GYS2: variants seen among roughly 807,000 people sequenced by gnomAD.
GYS2 encodes the protein glycogen synthase 2, also known as glycogen [starch] synthase, liver.
GYS2 carries 80 observed loss-of-function variants against 85.6 expected under a neutral mutation model. That is an observed-to-expected ratio of 0.93 (90% CI 0.78 to 1.13). The LOEUF (loss-of-function observed/expected upper bound fraction) is 1.13, where lower values mean the gene tolerates loss of function less well. GYS2 is among the 50% of genes most tolerant of loss of function. The pLI, the probability that GYS2 is intolerant of heterozygous loss-of-function variation, is 0.00. For synonymous variants in GYS2, 328 were observed against 300.7 expected (o/e 1.09, Z -0.94); for missense variants, 881 against 854.9 (o/e 1.03, Z -0.38).
intron 2 of GYS2, 84 bp downstream of exon 2, chr12:21,580,258 C>T: frequency 8.2e-7 from 1 of 1,217,450 alleles, no homozygotes; most frequent in Non-Finnish European, 1.2e-6. Flanking sequence ...AGTGAATGGT[C>T]TTCTCTTGTG....
intron 1 of GYS2, among the ~76,000 whole-genome samples, chr12:21,586,402 C>A (rs892914807): frequency 1.3e-5 from 2 of 148,698 alleles, no homozygotes; most frequent in African/African-American, 5.0e-5. Flanking sequence ...AATAAACTCC[C>A]TTTTATATCT....
At chr12:21,571,088 T>C (rs1330852167) in intron 4 of GYS2, among the ~76,000 whole-genome samples, 1 of 152,174 alleles carries the variant, frequency 6.6e-6, no homozygotes, top group Non-Finnish European at 1.5e-5. Flanking sequence ...GATGGGAAGA[T>C]AGATTTTCTA....
rs77958362 is a variant in GYS2, at chr12:21,556,408, C to A, written c.1422+1792G>T. On this transcript the variant is annotated intron_variant, in intron 11 of 15. Transcript: ENST00000261195. ...CTGGTCTTGAACTCCTGGCCTCAAG[C>A]GATCCACCTACCGCAACCTCCCAAA... Among the ~76,000 whole-genome samples the A allele has an allele frequency of 9.5e-3, 1,450 of 152,164 alleles. 40 individuals are homozygous for A. Among genetic ancestry groups the A allele is most frequent in the African/African-American group, 0.033 (1,381 of 41,528 alleles).
chr12:21,575,573 T>TTA (rs957780889), intron 3 of GYS2, among the ~76,000 whole-genome samples: 20 of 151,686 alleles, frequency 1.3e-4, no homozygotes, highest in South Asian at 4.2e-4. Flanking sequence ...CATGTTTTTC[T>TTA]TATATATATA....
intron 1 of GYS2, among the ~76,000 whole-genome samples, chr12:21,584,489 T>A (rs546540771): frequency 8.5e-5 from 13 of 152,244 alleles, no homozygotes; most frequent in African/African-American, 2.9e-4. Flanking sequence ...CATCGTCCAA[T>A]GGACCCATGA....
chr12:21,564,917 A>C (rs1468428761), intron 5 of GYS2, among the ~76,000 whole-genome samples: 1 of 152,168 alleles, frequency 6.6e-6, no homozygotes, highest in Non-Finnish European at 1.5e-5. Flanking sequence ...CTGGATTTAG[A>C]ACCAAAGCAG....
chr12:21,570,752 C>A (rs1283299566), intron 4 of GYS2, among the ~76,000 whole-genome samples: 2 of 152,172 alleles, frequency 1.3e-5, no homozygotes, highest in African/African-American at 4.8e-5. Context: ...AGGGCCAGAT[C>A]ACTGAAATCC....
chr12:21,559,207 G>A, intron 9 of GYS2, 38 bp from the exon 10 acceptor site: 4 of 1,134,360 alleles, frequency 3.5e-6, no homozygotes, highest in Non-Finnish European at 5.4e-6. Flanking sequence ...AATAAAAACA[G>A]CTGGCACTAA....
In GYS2 at chr12:21,553,770, C is replaced by G. The variant is rs117994882; in HGVS notation, c.1422+4430G>C. Among the ~76,000 whole-genome samples, 540 of 145,482 alleles carry G rather than the reference C, an allele frequency of 3.7e-3. 1 individual carries two copies. The highest frequency in any genetic ancestry group is 5.4e-3 in the Non-Finnish European group (359 of 66,892). On this transcript the variant is annotated intron_variant, in intron 11 of 15. Transcript: ENST00000261195. ...CACTAATATATTTAAAATAAGTTAA[C>G]AGTAAACCAATTTATACACACATAT...
At position 21,564,947 on chromosome 12, in the gene GYS2, C is replaced by T. The variant is rs139534226; in HGVS notation, c.824-1602G>A. On this transcript the variant is annotated intron_variant, in intron 5 of 15. Coordinates refer to ENST00000261195, the MANE Select transcript of GYS2 (RefSeq NM_021957.4). ...AAGCAGCCTGGCTCAGGAGTTTCCA[C>T]CCTTTTGATGCAGTGGTGTCATACA... 3.7e-3 allele frequency among the ~76,000 whole-genome samples: 567 copies of T among 152,208 alleles called. 4 individuals are homozygous for T. Among genetic ancestry groups the T allele is most frequent in the African/African-American group, 0.013 (548 of 41,536 alleles).
intron 1 of GYS2, among the ~76,000 whole-genome samples, chr12:21,600,164 G>T (rs1944739602): frequency 6.6e-6 from 1 of 152,068 alleles, no homozygotes; most frequent in South Asian, 2.1e-4. Flanking sequence ...CTGTCACCCC[G>T]GCTGGAGTGC....
At chr12:21,540,696 G>C in intron 13 of GYS2, 123 bp from the exon 14 acceptor site, 1 of 800,892 alleles carries the variant, frequency 1.2e-6, no homozygotes, top group Non-Finnish European at 2.1e-6. Flanking sequence ...CCCTGACTCA[G>C]GAATTACCCC....
intron 1 of GYS2, among the ~76,000 whole-genome samples, chr12:21,582,015 A>G (rs1357646309): frequency 2.0e-5 from 3 of 152,212 alleles, no homozygotes; most frequent in African/African-American, 7.2e-5. Flanking sequence ...TAATTAAACT[A>G]AAATGCTTCT....
chr12:21,571,536 A>T (rs1430790198), intron 4 of GYS2, among the ~76,000 whole-genome samples: 1 of 152,216 alleles, frequency 6.6e-6, no homozygotes, highest in Non-Finnish European at 1.5e-5. Context: ...CTGTAATTGA[A>T]GTTGACTAGC....
intron 14 of GYS2, among the ~76,000 whole-genome samples, chr12:21,539,977 A>G (rs1350633973): frequency 3.3e-5 from 5 of 152,248 alleles, no homozygotes; most frequent in African/African-American, 1.2e-4. Flanking sequence ...TGCATGATTG[A>G]AAGGAGGTAT....
At chr12:21,584,713 G>C (rs1944553703) in intron 1 of GYS2, among the ~76,000 whole-genome samples, 1 of 152,208 alleles carries the variant, frequency 6.6e-6, no homozygotes, top group South Asian at 2.1e-4. Context: ...AAGGGCAGAG[G>C]CTTGTCCTCA....
At chr12:21,557,471 A>C (rs958589021) in intron 11 of GYS2, among the ~76,000 whole-genome samples, 1 of 152,236 alleles carries the variant, frequency 6.6e-6, no homozygotes, top group Non-Finnish European at 1.5e-5. Flanking sequence ...TATCAGCCAC[A>C]TTCTCTGAAA....
chr12:21,555,863 A>T (rs997476260), intron 11 of GYS2, among the ~76,000 whole-genome samples: 1 of 152,170 alleles, frequency 6.6e-6, no homozygotes, highest in African/African-American at 2.4e-5. Flanking sequence ...CCCACCAGCA[A>T]GGGGACCCAG....
At chr12:21,597,759 T>A (rs1238355185) in intron 1 of GYS2, among the ~76,000 whole-genome samples, 1 of 152,156 alleles carries the variant, frequency 6.6e-6, no homozygotes, top group Non-Finnish European at 1.5e-5. Flanking sequence ...CACTGTTTAT[T>A]GCAGCACGAT....
Sources: gnomAD v4.1 joint callset for allele counts (sites outside exome capture counted in the v4.1 genomes callset) on GRCh38, gnomAD v4.1.1 for gene constraint, MANE v1.5 for transcripts, NCBI Gene and HGNC (gene_info 2026-07-23, HGNC 2026-07-21) for gene names.